The following NEK9 variants were observed in gnomAD, a reference collection of about 807,000 sequenced individuals.
NEK9 encodes the protein serine/threonine-protein kinase Nek9.
A neutral mutation model predicts 123.4 loss-of-function variants in NEK9; 75 were observed. The observed-to-expected ratio is 0.61, with a 90% CI of 0.50 to 0.74. NEK9 has a LOEUF of 0.74. Among genes scored for constraint, NEK9 ranks in the 30% least tolerant of loss-of-function variants. The probability of loss-of-function intolerance (pLI) is 0.00; values close to 1 mark genes in which losing one functional copy is unlikely to be tolerated. For synonymous variants in NEK9, 438 were observed against 458.7 expected, an observed-to-expected ratio of 0.95 and a Z score of 0.58; for missense variants, 952 against 1,214.4, an observed-to-expected ratio of 0.78 and a Z score of 3.21.
In NEK9 at chr14:75,084,306, T is replaced by C. The variant is rs1483418634; in HGVS notation, c.*258A>G. ...ATCAACAGATGAGGTACAGAGCTGC[T>C]GTTGCTATGGCAGTCACTGATGACA... On this transcript the variant is annotated 3_prime_UTR_variant, in exon 22 of 22. Coordinates refer to ENST00000238616, the MANE Select transcript of NEK9 (RefSeq NM_033116.6). 2.2e-6 allele frequency: 1 copy of C among 456,470 alleles called. No homozygotes were observed. The highest frequency in any genetic ancestry group is 2.0e-5 in the African/African-American group (1 of 51,204). The allele number at this position is 456,470 out of a possible 1,614,324, so 28.3% of individuals were successfully genotyped here. A position where few individuals can be genotyped will look rare whatever the true frequency, so the allele number is the denominator to read the frequency against.
intron 14 of NEK9, among the ~76,000 whole-genome samples, chr14:75,103,063 G>A (rs7154502): frequency 0.018 from 2,688 of 152,146 alleles, 86 homozygotes; most frequent in African/African-American, 0.062. Context: ...GAAGGGGGGA[G>A]GGATAGCATT....
In NEK9 at chr14:75,118,949, A is replaced by G. The variant is rs889974110; in HGVS notation, c.525-14T>C. ...GTCTTTATATCTCTGAAAAAAAAAG[A>G]TGCTGCAAATTAAGTTCACACAGAT... On this transcript the variant is annotated splice_polypyrimidine_tract_variant and intron_variant, in intron 4 of 21. Transcript: ENST00000238616. 2.3e-6 allele frequency: 3 copies of G among 1,283,012 alleles called. No individual in the cohort carries two copies. Among genetic ancestry groups the G allele is most frequent in the East Asian group, 2.3e-5 (1 of 43,330 alleles). The allele number at this position is 1,283,012 out of a possible 1,614,324, so 79.5% of individuals were successfully genotyped here.
At position 75,081,210 on chromosome 14, in the gene NEK9, C is replaced by T. The variant is rs527590893; in HGVS notation, c.*3354G>A. 2 of 152,392 alleles carry T rather than the reference C, an allele frequency of 1.3e-5. No homozygotes were observed. Among genetic ancestry groups the T allele is most frequent in the South Asian group, 2.1e-4 (1 of 4,826 alleles). The allele number at this position is 152,392 out of a possible 1,614,324, so 9.4% of individuals were successfully genotyped here. A position where few individuals can be genotyped will look rare whatever the true frequency, so the allele number is the denominator to read the frequency against. On this transcript the variant is annotated 3_prime_UTR_variant, in exon 22 of 22. Coordinates refer to ENST00000238616, the MANE Select transcript of NEK9 (RefSeq NM_033116.6). The surrounding 1 kb of genome is among the most constrained non-coding windows in gnomAD (Gnocchi z 4.2). The stretch of plus-strand genomic sequence containing the variant: ...CCGCCCGCCTCGGCCTCCCAAAGTG[C>T]TGGGATTACAGGCGTGAGCCACTGC...
At chr14:75,125,945 T>C (rs1895509039) in intron 1 of NEK9, among the ~76,000 whole-genome samples, 1 of 152,184 alleles carries the variant, frequency 6.6e-6, no homozygotes, top group South Asian at 2.1e-4. Context: ...TACACTAGTA[T>C]ATATTAACTT....
chr14:75,122,645 C>T lies in NEK9; in HGVS notation c.397+1401G>A, dbSNP rs182719403. Among the ~76,000 whole-genome samples, 30 of 152,230 alleles carry T rather than the reference C, an allele frequency of 2.0e-4. No individual in the cohort carries two copies. In the East Asian group the frequency reaches 5.8e-3, roughly 29 times the overall value. ...TCAGCCTCCCGAGTAGCTGGGATTA[C>T]AGGCACGCGCCACCATGCACAGCTA... On this transcript the variant is annotated intron_variant, in intron 2 of 21. Transcript: ENST00000238616.
chr14:75,127,046 G>T lies in NEK9; in HGVS notation c.-125C>A, dbSNP rs1895565076. ...GCCCAGCAACCCCGCGAAGCTCGAT[G>T]GTGGCTCCTGCCCCCCGACCCGGAA... is the stretch of plus-strand genomic sequence containing the variant. On this transcript the variant is annotated 5_prime_UTR_variant, in exon 1 of 22. Coordinates refer to ENST00000238616, the MANE Select transcript of NEK9 (RefSeq NM_033116.6). The T allele has an allele frequency of 1.4e-6, 1 of 719,036 alleles. No individual in the cohort carries two copies. Among genetic ancestry groups the T allele is most frequent in the Non-Finnish European group, 2.2e-6 (1 of 460,712 alleles). 44.5% of individuals were successfully genotyped at this position (719,036 alleles called of 1,614,324 possible). A position where few individuals can be genotyped will look rare whatever the true frequency, so the allele number is the denominator to read the frequency against.
Position 75,120,408 on chromosome 14 carries a change from T to G in NEK9, c.524+102A>C. The G allele has an allele frequency of 2.8e-6, 2 of 716,234 alleles. 1 individual carries two copies. Among genetic ancestry groups the G allele is most frequent in the South Asian group, 3.6e-5 (2 of 55,920 alleles). The allele number at this position is 716,234 out of a possible 1,614,324, so 44.4% of individuals were successfully genotyped here. ...CTAGTGATATCAATGGAAAAACTCT[T>G]GGCTGCTTAACCAAGAAAATAAAAG... is the stretch of plus-strand genomic sequence containing the variant. On this transcript the variant is annotated intron_variant, in intron 4 of 21. Transcript: ENST00000238616.
Position 75,087,131 on chromosome 14 carries a change from A to G in NEK9, c.2704T>C (p.Leu902=). ...CSSLQVEVER[L]QGLVLKCLAE... The stretch of plus-strand genomic sequence containing the variant: ...AGACACTTTAACACCAGACCCTGCA[A>G]TCTCTCAACCTCCACCTGCAGAGAG... The change falls in exon 21 of 22, where the codon TTG becomes CTG. Residue 902 remains leucine, a synonymous_variant. Transcript: ENST00000238616. The G allele has an allele frequency of 6.2e-7, 1 of 1,614,154 alleles. No homozygotes were observed. The highest frequency in any genetic ancestry group is 8.5e-7 in the Non-Finnish European group (1 of 1,180,038).
Position 75,106,601 on chromosome 14 carries a change from A to G in NEK9, c.1429T>C (p.Phe477Leu). The change falls in exon 12 of 22, where the codon TTC becomes CTC. Residue 477 changes from phenylalanine to leucine, a missense_variant. By Grantham distance (22) the Phe-to-Leu change is conservative. Transcript: ENST00000238616. ...EVLEPMQLNF[F>L]LSNPVEQVSC... ...ACCTGCTCCACTGGATTGCTGAGGA[A>G]GAAGTTCAGCTGCATGGGTTCTAGC... 1 of 1,614,088 alleles carries G rather than the reference A, an allele frequency of 6.2e-7. No homozygotes were observed. The highest frequency in any genetic ancestry group is 1.3e-5 in the African/African-American group (1 of 75,036).
chr14:75,121,235 AAC>A, intron 2 of NEK9, 61 bp from the exon 3 acceptor site: 2 of 1,360,752 alleles, frequency 1.5e-6, no homozygotes, highest in Non-Finnish European at 2.1e-6. Flanking sequence ...TGGCTCCTGT[AAC>A]AGGTTTTTTT....
intron 18 of NEK9, 88 bp from the exon 19 acceptor site, chr14:75,091,566 T>C (rs1894219348): frequency 7.5e-6 from 9 of 1,196,724 alleles, no homozygotes; most frequent in Non-Finnish European, 1.0e-5. Flanking sequence ...CCTGGAAAGG[T>C]GCCTATAAGC....
chr14:75,105,047 C>A (rs1244110221), intron 13 of NEK9, among the ~76,000 whole-genome samples: 2 of 152,182 alleles, frequency 1.3e-5, no homozygotes, highest in East Asian at 3.9e-4. Flanking sequence ...TGACAGAGTA[C>A]TGAGGTAATA....
In NEK9 at chr14:75,091,275, G is replaced by A. The variant is rs779892471; in HGVS notation, c.2437C>T (p.Arg813Ter). ...ACTTCTTCCAAAGGAATTACCTTTC[G>A]AAGCCAGCCAGGACAGGAGCTGCTG... The part of the protein sequence containing the change: ...GASSSCPGWL[R>*]KELENAEFIP... Residue 813 changes from arginine to a stop codon, truncating the protein, a stop_gained, in exon 19 of 22, where the codon CGA becomes TGA. Transcript: ENST00000238616. LOFTEE classifies it high-confidence loss of function. The A allele has an allele frequency of 8.7e-6, 14 of 1,605,134 alleles. No individual in the cohort carries two copies. Among genetic ancestry groups the A allele is most frequent in the Non-Finnish European group, 1.2e-5 (14 of 1,176,698 alleles).
At position 75,098,593 on chromosome 14, in the gene NEK9, T is replaced by C. The variant is rs1894464917; in HGVS notation, c.2003-1323A>G. Among the ~76,000 whole-genome samples, 5 of 152,314 alleles carry C rather than the reference T, an allele frequency of 3.3e-5. No homozygotes were observed. The South Asian group carries it at 1.0e-3, about 32-fold the overall frequency. Reference sequence around the variant, plus strand: ...TTAGAAGACTAGGCTGCTGCTATTATAGCACCTAACACCTGCCTGTGCTAG... The same window carrying C: ...TTAGAAGACTAGGCTGCTGCTATTACAGCACCTAACACCTGCCTGTGCTAG... On this transcript the variant is annotated intron_variant, in intron 16 of 21. Coordinates refer to ENST00000238616, the MANE Select transcript of NEK9 (RefSeq NM_033116.6).
chr14:75,098,092 A>G (rs993077110), intron 16 of NEK9, among the ~76,000 whole-genome samples: 2 of 152,174 alleles, frequency 1.3e-5, no homozygotes, highest in African/African-American at 4.8e-5. Context: ...GCAGGGGAGC[A>G]AGGATGGAAG....
chr14:75,095,363 G>A lies in NEK9; in HGVS notation c.2233+9C>T, dbSNP rs1894348886. 1 of 1,603,508 alleles carries A rather than the reference G, an allele frequency of 6.2e-7. No individual in the cohort carries two copies. Among genetic ancestry groups the A allele is most frequent in the Non-Finnish European group, 8.5e-7 (1 of 1,172,280 alleles). The stretch of plus-strand genomic sequence containing the variant: ...GAAAACCACTGGTACCTGAAACATT[G>A]GTACTTACCAGTTCCAATGGATAAG... On this transcript the variant is annotated intron_variant, in intron 18 of 21. Transcript: ENST00000238616.
rs145996625 is a variant in NEK9, at chr14:75,117,844, A to G, written c.631-518T>C. Among the ~76,000 whole-genome samples, 602 of 152,376 alleles carry G rather than the reference A, an allele frequency of 4.0e-3. 4 individuals are homozygous for G. Among genetic ancestry groups the G allele is most frequent in the African/African-American group, 0.014 (580 of 41,582 alleles). ...TTTGAAAAAGATTTTCTGACTTCAAAAATAAATTTGGAAATAAAAATGTCC... is the reference window on the plus strand; with the variant it reads ...TTTGAAAAAGATTTTCTGACTTCAAGAATAAATTTGGAAATAAAAATGTCC... On this transcript the variant is annotated intron_variant, in intron 5 of 21. Transcript: ENST00000238616.
At chr14:75,121,625 A>C (rs1895338006) in intron 2 of NEK9, among the ~76,000 whole-genome samples, 1 of 152,160 alleles carries the variant, frequency 6.6e-6, no homozygotes, top group South Asian at 2.1e-4. Flanking sequence ...GAGGTGGGCA[A>C]ATCATTTGGG....
chr14:75,096,193 G>A (rs1252945596), intron 17 of NEK9, among the ~76,000 whole-genome samples: 1 of 148,900 alleles, frequency 6.7e-6, no homozygotes. Flanking sequence ...TGAGGCAGGA[G>A]AATCGCTTGA....
Sources: gnomAD v4.1 joint callset for allele counts (sites outside exome capture counted in the v4.1 genomes callset) on GRCh38, gnomAD v4.1.1 for gene constraint, Gnocchi (gnomAD v3.1) non-coding constraint, MANE v1.5 for transcripts, NCBI Gene and HGNC (gene_info 2026-07-23, HGNC 2026-07-21) for gene names.